The following RBFOX1 variants were observed in gnomAD, a reference collection of about 807,000 sequenced individuals.
The protein encoded by RBFOX1 is RNA binding fox-1 homolog 1.
A neutral mutation model predicts 57.7 loss-of-function variants in RBFOX1; 8 were observed. The observed-to-expected ratio is 0.14, with a 90% confidence interval of 0.08 to 0.25. The LOEUF (loss-of-function observed/expected upper bound fraction) is 0.25. Among genes scored for constraint, RBFOX1 ranks in the 10% least tolerant of loss-of-function variants. The pLI is 1.00. For synonymous variants in RBFOX1, 326 were observed against 222.4 expected (o/e 1.47, Z -4.15); for missense variants, 611 against 548.5 (o/e 1.11, Z -1.14).
At chr16:5,925,028 G>T (rs950442626) in intron 4 of RBFOX1, among the ~76,000 whole-genome samples, 2 of 152,164 alleles carry the variant, frequency 1.3e-5, no homozygotes, top group South Asian at 2.1e-4. Context: ...GTTATCTGAT[G>T]CCTTTTAGCA....
At chr16:7,642,307 G>C (rs2062964849) in intron 11 of RBFOX1, among the ~76,000 whole-genome samples, 1 of 152,140 alleles carries the variant, frequency 6.6e-6, no homozygotes, top group Non-Finnish European at 1.5e-5. Flanking sequence ...TTGATCAAAG[G>C]ATCAGGACTC....
intron 5 of RBFOX1, among the ~76,000 whole-genome samples, chr16:7,556,542 C>A (rs9930162): frequency 6.6e-6 from 1 of 151,716 alleles, no homozygotes; most frequent in Non-Finnish European, 1.5e-5. Context: ...TGAATTTCCC[C>A]TTCATGGGCC....
At chr16:7,052,599 A>G (rs2050491708) in intron 4 of RBFOX1, among the ~76,000 whole-genome samples, 1 of 152,118 alleles carries the variant, frequency 6.6e-6, no homozygotes, top group Admixed American at 6.6e-5. Flanking sequence ...GAGGGAGACA[A>G]AATTTTAAAC....
chr16:6,749,672 A>T lies in RBFOX1; in HGVS notation c.-16+95022A>T, dbSNP rs374732938. 2.0e-5 allele frequency among the ~76,000 whole-genome samples: 3 copies of T among 152,186 alleles called. No individual in the cohort carries two copies. In the East Asian group the frequency reaches 5.8e-4, roughly 29 times the overall value. ...CCTAATCAGTACATCAGGGGTAACA[A>T]ATCTTAGTGACCTCAGTAAATAATA... On this transcript the variant is annotated intron_variant, in intron 3 of 15. Coordinates refer to ENST00000550418, the MANE Select transcript of RBFOX1 (RefSeq NM_018723.4).
chr16:5,663,427 A>C (rs1245442772), intron 3 of RBFOX1, among the ~76,000 whole-genome samples: 1 of 151,108 alleles, frequency 6.6e-6, no homozygotes, highest in African/African-American at 2.4e-5. Flanking sequence ...CTGTCCTCAA[A>C]CTCCTGGCCT....
At chr16:5,551,692 ATACATGTGCCATGGTAGTTTG>A (rs2045471923) in intron 2 of RBFOX1, among the ~76,000 whole-genome samples, 1 of 152,042 alleles carries the variant, frequency 6.6e-6, no homozygotes, top group Non-Finnish European at 1.5e-5. Flanking sequence ...TTACAGAGGT[ATACATGTGCCATGGTAGTTTG>A]CCGCACCTAT....
rs532529431 is a variant in RBFOX1, at chr16:7,311,571, G to A, written c.28-206576G>A. Among the ~76,000 whole-genome samples, 32 of 147,600 alleles carry A rather than the reference G, an allele frequency of 2.2e-4. No individual in the cohort carries two copies. The South Asian group carries it at 6.4e-3, about 30-fold the overall frequency. ...TCAAAAACAGTAACAAACATCCCCG[G>A]TTTTTCCCTTCCATAGATCAGCTTC... On this transcript the variant is annotated intron_variant, in intron 4 of 15. Coordinates refer to ENST00000550418, the MANE Select transcript of RBFOX1 (RefSeq NM_018723.4).
chr16:7,457,997 C>T (rs1196653925), intron 4 of RBFOX1, among the ~76,000 whole-genome samples: 1 of 152,058 alleles, frequency 6.6e-6, no homozygotes, highest in African/African-American at 2.4e-5. Context: ...CAGTTCCTAC[C>T]CTGGTGCCTG....
At chr16:5,240,554 C>G (rs1186617350) in intron 1 of RBFOX1, among the ~76,000 whole-genome samples, 1 of 152,166 alleles carries the variant, frequency 6.6e-6, no homozygotes, top group African/African-American at 2.4e-5. Flanking sequence ...GGGCTGCGGG[C>G]TGGCGGCGCT....
rs142710285 is a variant in RBFOX1, at chr16:7,025,226, C to G, written c.-15-26831C>G. ...AAGGGGTGAATTACTCATGTCTCCC[C>G]TTTTTAGACCATATAGGGTAACTCT... On this transcript the variant is annotated intron_variant, in intron 3 of 15. Transcript: ENST00000550418. Among the ~76,000 whole-genome samples, 641 of 152,198 alleles carry G rather than the reference C, an allele frequency of 4.2e-3. 5 individuals carry two copies. The highest frequency in any genetic ancestry group is 0.014 in the African/African-American group (586 of 41,546).
chr16:6,066,145 T>A (rs2095758109), intron 1 of RBFOX1, among the ~76,000 whole-genome samples: 1 of 151,684 alleles, frequency 6.6e-6, no homozygotes, highest in South Asian at 2.1e-4. Context: ...AACACAAAAA[T>A]TAGCTGGGTG....
chr16:6,152,492 C>T (rs1360868077), intron 1 of RBFOX1, among the ~76,000 whole-genome samples: 1 of 152,222 alleles, frequency 6.6e-6, no homozygotes, highest in African/African-American at 2.4e-5. Context: ...AGATGAAAGT[C>T]AGATCAGCTC....
chr16:5,660,475 A>C (rs146102655), intron 3 of RBFOX1, among the ~76,000 whole-genome samples: 2 of 152,154 alleles, frequency 1.3e-5, no homozygotes, highest in Admixed American at 6.5e-5. Flanking sequence ...TATCAATGCA[A>C]TGTGAGTCAT....
At chr16:6,738,658 C>T (rs190375877) in intron 3 of RBFOX1, among the ~76,000 whole-genome samples, 1 of 152,078 alleles carries the variant, frequency 6.6e-6, no homozygotes, top group Non-Finnish European at 1.5e-5. Flanking sequence ...ATTACAGAAC[C>T]CTTTACCCCA....
At chr16:5,620,927 G>A (rs1047127868) in intron 3 of RBFOX1, among the ~76,000 whole-genome samples, 2 of 150,718 alleles carry the variant, frequency 1.3e-5, no homozygotes, top group Non-Finnish European at 3.0e-5. Context: ...TGCAAGTTCC[G>A]CCTCCCGGGT....
rs574138002 is a variant in RBFOX1 at position 6,037,626 on chromosome 16, GCT to G, written c.-127+17637_-127+17638del. ...TTTTTGTTTTTGGAGACGGAATCTC[GCT>G]CTGTCGCCCAAGCTGGAGTGCAGTG... On this transcript the variant is annotated intron_variant, in intron 1 of 15. Transcript: ENST00000550418. The G allele has an allele frequency of 1.5e-3, 232 of 150,340 alleles. 1 individual carries two copies. Among genetic ancestry groups the G allele is most frequent in the African/African-American group, 5.5e-3 (225 of 40,738 alleles). 9.3% of individuals were successfully genotyped at this position (150,340 alleles called of 1,614,324 possible). A position where few individuals can be genotyped will look rare whatever the true frequency, so the allele number is the denominator to read the frequency against.
At chr16:5,736,273 G>A (rs778322621) in intron 3 of RBFOX1, among the ~76,000 whole-genome samples, 2 of 152,140 alleles carry the variant, frequency 1.3e-5, no homozygotes, top group Non-Finnish European at 2.9e-5. Context: ...GGGAAGTATG[G>A]GGTATAGGGC....
chr16:7,044,323 G>A (rs531548075), intron 3 of RBFOX1, among the ~76,000 whole-genome samples: 189 of 152,330 alleles, frequency 1.2e-3, no homozygotes, highest in African/African-American at 4.2e-3. Context: ...CCAGTCTGAT[G>A]TGTGGGAGAG....
chr16:5,676,883 C>T (rs1285457817), intron 3 of RBFOX1, among the ~76,000 whole-genome samples: 5 of 151,956 alleles, frequency 3.3e-5, no homozygotes, highest in Admixed American at 2.6e-4. Flanking sequence ...GTGCTCAGAA[C>T]AGTGCCTGGG....
Sources: allele counts gnomAD v4.1 joint callset (sites outside exome capture counted in the v4.1 genomes callset), GRCh38; gene constraint gnomAD v4.1.1; transcripts MANE v1.5; gene names NCBI Gene and HGNC (gene_info 2026-07-23, HGNC 2026-07-21).